The following BRINP3 variants were observed in gnomAD, a reference collection of about 807,000 sequenced individuals.
The protein encoded by BRINP3 is BMP/retinoic acid-inducible neural-specific protein 3.
BRINP3 carries 19 observed loss-of-function variants against 71.0 expected under a neutral mutation model. That is an observed-to-expected ratio of 0.27 (90% CI 0.19 to 0.39). The LOEUF is 0.39. Among genes scored for constraint, BRINP3 ranks in the 10% least tolerant of loss-of-function variants. The pLI is 1.00. For synonymous variants in BRINP3, 380 were observed against 337.7 expected, an observed-to-expected ratio of 1.13 and a Z score of -1.37; for missense variants, 959 against 940.8, an observed-to-expected ratio of 1.02 and a Z score of -0.25.
chr1:190,200,769 G>T (rs1654932631), intron 6 of BRINP3, among the ~76,000 whole-genome samples: 1 of 151,982 alleles, frequency 6.6e-6, no homozygotes, highest in African/African-American at 2.4e-5. Context: ...GAGATATCAT[G>T]GTTATAAAAA....
intron 2 of BRINP3, among the ~76,000 whole-genome samples, chr1:190,414,796 C>G (rs1672907960): frequency 6.6e-6 from 1 of 152,116 alleles, no homozygotes; most frequent in East Asian, 1.9e-4. Context: ...ACAGTCTCTC[C>G]CATACTCATG....
intron 1 of BRINP3, among the ~76,000 whole-genome samples, chr1:190,463,052 T>C (rs1676500220): frequency 6.6e-6 from 1 of 151,966 alleles, no homozygotes; most frequent in East Asian, 1.9e-4. Flanking sequence ...ATTTTTCATA[T>C]TACATATGAT....
chr1:190,277,882 A>G (rs1662722706), intron 3 of BRINP3, among the ~76,000 whole-genome samples: 1 of 151,752 alleles, frequency 6.6e-6, no homozygotes, highest in African/African-American at 2.4e-5. Flanking sequence ...AAATAGAAGC[A>G]AACTGAATTA....
intron 2 of BRINP3, among the ~76,000 whole-genome samples, chr1:190,379,127 C>T (rs2102235667): frequency 6.6e-6 from 1 of 152,164 alleles, no homozygotes; most frequent in East Asian, 1.9e-4. Flanking sequence ...AAACAATATA[C>T]AAAAGATGGA....
intron 7 of BRINP3, among the ~76,000 whole-genome samples, chr1:190,139,149 GAA>G (rs11313193): frequency 1.4e-5 from 2 of 143,508 alleles, no homozygotes; most frequent in African/African-American, 5.1e-5. Context: ...CCGCATCATA[GAA>G]AAAAAAAAAA....
chr1:190,167,322 T>C (rs1651643269), intron 6 of BRINP3, among the ~76,000 whole-genome samples: 1 of 152,150 alleles, frequency 6.6e-6, no homozygotes, highest in African/African-American at 2.4e-5. Context: ...TTTATAAACC[T>C]ACACAGCATT....
chr1:190,140,288 C>T (rs1655326468), intron 7 of BRINP3, among the ~76,000 whole-genome samples: 1 of 152,024 alleles, frequency 6.6e-6, no homozygotes, highest in South Asian at 2.1e-4. Context: ...TCTTGGTTAT[C>T]CTTTTAAATA....
intron 2 of BRINP3, among the ~76,000 whole-genome samples, chr1:190,395,073 G>T (rs1054143036): frequency 6.6e-6 from 1 of 151,652 alleles, no homozygotes; most frequent in Non-Finnish European, 1.5e-5. Context: ...AATATATCTT[G>T]TGTATCAATG....
chr1:190,384,134 T>G (rs912744273), intron 2 of BRINP3, among the ~76,000 whole-genome samples: 2 of 151,564 alleles, frequency 1.3e-5, no homozygotes, highest in Non-Finnish European at 2.9e-5. Flanking sequence ...TGAGATAATA[T>G]TGGCCACAAA....
At position 190,270,054 on chromosome 1, in the gene BRINP3, C is replaced by T. The variant is rs576195731; in HGVS notation, c.428-4999G>A. ...AAGAAGGCAGCAAAGATTATTTCTACGGAGATCTCATAAAGTGGATAAAAA... is the reference window on the plus strand; with the variant it reads ...AAGAAGGCAGCAAAGATTATTTCTATGGAGATCTCATAAAGTGGATAAAAA... On this transcript the variant is annotated intron_variant, in intron 3 of 7. Transcript: ENST00000367462. 5.9e-5 allele frequency among the ~76,000 whole-genome samples: 9 copies of T among 151,836 alleles called. 1 individual carries two copies. Among genetic ancestry groups the T allele is most frequent in the Admixed American group, 1.3e-4 (2 of 15,192 alleles).
intron 2 of BRINP3, among the ~76,000 whole-genome samples, chr1:190,417,697 A>T (rs1199130632): frequency 6.6e-6 from 1 of 152,190 alleles, no homozygotes; most frequent in Non-Finnish European, 1.5e-5. Flanking sequence ...ACAATATAAA[A>T]ATATAGACTT....
intron 7 of BRINP3, among the ~76,000 whole-genome samples, chr1:190,106,950 A>T (rs1330080042): frequency 1.3e-5 from 2 of 151,960 alleles, no homozygotes; most frequent in Admixed American, 1.3e-4. Context: ...GGTACAATTT[A>T]GCATCCCTTT....
chr1:190,185,101 A>T (rs969776688), intron 6 of BRINP3, among the ~76,000 whole-genome samples: 7 of 152,124 alleles, frequency 4.6e-5, no homozygotes, highest in African/African-American at 1.7e-4. Context: ...CATAATGAAC[A>T]TGTAGGACTG....
intron 7 of BRINP3, among the ~76,000 whole-genome samples, chr1:190,105,413 T>C (rs1486989191): frequency 6.6e-6 from 1 of 152,012 alleles, no homozygotes; most frequent in East Asian, 1.9e-4. Context: ...TAAGTTATAT[T>C]TTAAAGATAA....
chr1:190,461,580 G>C (rs1184051197), intron 1 of BRINP3, among the ~76,000 whole-genome samples: 1 of 152,132 alleles, frequency 6.6e-6, no homozygotes, highest in East Asian at 1.9e-4. Flanking sequence ...CAAGAAAATA[G>C]TCACCAAAGT....
chr1:190,145,852 C>T (rs1448856635), intron 7 of BRINP3, among the ~76,000 whole-genome samples: 1 of 152,078 alleles, frequency 6.6e-6, no homozygotes, highest in Non-Finnish European at 1.5e-5. Flanking sequence ...TACACACATA[C>T]CATGGAATAC....
At chr1:190,463,000 T>C (rs1312904554) in intron 1 of BRINP3, among the ~76,000 whole-genome samples, 1 of 152,056 alleles carries the variant, frequency 6.6e-6, no homozygotes, top group Non-Finnish European at 1.5e-5. Flanking sequence ...CTAAATGTGA[T>C]TTATTTTAAA....
chr1:190,173,736 G>A (rs1191201905), intron 6 of BRINP3, among the ~76,000 whole-genome samples: 1 of 152,096 alleles, frequency 6.6e-6, no homozygotes. Context: ...TTTCATATAA[G>A]TAACATATTT....
intron 2 of BRINP3, among the ~76,000 whole-genome samples, chr1:190,436,312 G>A (rs1044197327): frequency 2.0e-5 from 3 of 151,814 alleles, no homozygotes; most frequent in African/African-American, 7.2e-5. Flanking sequence ...ATTTTATGTA[G>A]ATTAACCAAA....
Sources: gnomAD v4.1 joint callset for allele counts (sites outside exome capture counted in the v4.1 genomes callset) on GRCh38, gnomAD v4.1.1 for gene constraint, MANE v1.5 for transcripts, NCBI Gene and HGNC (gene_info 2026-07-23, HGNC 2026-07-21) for gene names.